Variants in ARHGEF28 observed in about 807,000 individuals in gnomAD.
The protein encoded by ARHGEF28 is Rho guanine nucleotide exchange factor 28, also known as 190 kDa guanine nucleotide exchange factor.
In ARHGEF28, 152 loss-of-function variants were observed where a neutral mutation model predicts 206.6. The observed-to-expected ratio is 0.74, with a 90% CI of 0.64 to 0.84. The LOEUF (loss-of-function observed/expected upper bound fraction) is 0.84, where lower values mean the gene tolerates loss of function less well. Ranked by LOEUF, ARHGEF28 falls within the 40% of genes least tolerant of loss-of-function variation. ARHGEF28 has a pLI of 0.00. For missense variants in ARHGEF28, 2,028 were observed against 2,073.2 expected (o/e 0.98, Z 0.42); for synonymous variants, 763 against 776.4 (o/e 0.98, Z 0.29).
rs1377842545 is a variant in ARHGEF28 at position 73,832,465 on chromosome 5, G to GCC, written c.1146+8_1146+9dup. 1 of 1,611,074 alleles carries GCC rather than the reference G, an allele frequency of 6.2e-7. No individual in the cohort carries two copies. The highest frequency in any genetic ancestry group is 2.2e-5 in the East Asian group (1 of 44,826). On this transcript the variant is annotated splice_region_variant and intron_variant, in intron 10 of 35. Coordinates refer to ENST00000513042, the MANE Select transcript of ARHGEF28 (RefSeq NM_001177693.2). ...ACTGTATGGTGATTGATCAGGTAAG[G>GCC]CCCAACTGACATTACAGGATGATTT...
At chr5:73,768,703 G>A (rs764279292) in intron 4 of ARHGEF28, among the ~76,000 whole-genome samples, 2 of 152,064 alleles carry the variant, frequency 1.3e-5, no homozygotes, top group African/African-American at 2.4e-5. Context: ...GGACTTTTGA[G>A]TTAATGCTGA....
intron 31 of ARHGEF28, chr5:73,902,630 C>A (rs913698252): frequency 1.3e-5 from 2 of 152,144 alleles, no homozygotes; most frequent in Non-Finnish European, 2.9e-5. Flanking sequence ...CATTAGCTTC[C>A]TCTACAAGGT....
At chr5:73,926,349 G>T (rs2111997879) in intron 35 of ARHGEF28, among the ~76,000 whole-genome samples, 1 of 152,256 alleles carries the variant, frequency 6.6e-6, no homozygotes, top group South Asian at 2.1e-4. Flanking sequence ...TTTCAGGGTG[G>T]CAGCATGTGC....
intron 1 of ARHGEF28, among the ~76,000 whole-genome samples, chr5:73,679,032 G>C (rs562295859): frequency 6.6e-6 from 1 of 152,140 alleles, no homozygotes; most frequent in Non-Finnish European, 1.5e-5. Flanking sequence ...AGGACTACAG[G>C]CATGCACCAC....
intron 2 of ARHGEF28, among the ~76,000 whole-genome samples, chr5:73,724,315 T>A (rs1275431989): frequency 6.6e-6 from 1 of 152,208 alleles, no homozygotes; most frequent in South Asian, 2.1e-4. Context: ...GAAATATAGA[T>A]ACATTTTTGA....
intron 35 of ARHGEF28, among the ~76,000 whole-genome samples, chr5:73,934,235 A>G (rs938412743): frequency 6.6e-5 from 10 of 152,168 alleles, no homozygotes; most frequent in African/African-American, 2.2e-4. Flanking sequence ...TTCTGCCCCT[A>G]TATTTCCTGT....
At chr5:73,671,059 T>G (rs1323290206) in intron 1 of ARHGEF28, among the ~76,000 whole-genome samples, 2 of 151,932 alleles carry the variant, frequency 1.3e-5, no homozygotes, top group African/African-American at 4.8e-5. Flanking sequence ...GACAGAAAAA[T>G]ATACATGCAC....
In ARHGEF28 at chr5:73,795,315, A is replaced by C. The variant is rs558052729; in HGVS notation, c.964-16A>C. On this transcript the variant is annotated splice_polypyrimidine_tract_variant and intron_variant, in intron 8 of 35. Coordinates refer to ENST00000513042, the MANE Select transcript of ARHGEF28 (RefSeq NM_001177693.2). ...ATGTAATTTTTTAAAAATCCACCTG[A>C]CTTTATCTCTTCCAGCGTGTCAAAA... The C allele has an allele frequency of 1.2e-6, 2 of 1,612,304 alleles. No homozygotes were observed. The highest frequency in any genetic ancestry group is 1.7e-6 in the Non-Finnish European group (2 of 1,179,020).
intron 9 of ARHGEF28, among the ~76,000 whole-genome samples, chr5:73,805,913 T>C (rs1447679980): frequency 3.3e-5 from 5 of 152,112 alleles, no homozygotes; most frequent in African/African-American, 4.8e-5. Context: ...TTTATGTGAA[T>C]TTTAGCTTCA....
chr5:73,671,748 T>A (rs1303575999), intron 1 of ARHGEF28, among the ~76,000 whole-genome samples: 9 of 29,200 alleles, frequency 3.1e-4, no homozygotes, highest in African/African-American at 7.5e-4. Context: ...ATTTTTTTTT[T>A]TTTTTTTTTT....
At chr5:73,730,858 T>C (rs1750581078) in intron 2 of ARHGEF28, among the ~76,000 whole-genome samples, 1 of 152,190 alleles carries the variant, frequency 6.6e-6, no homozygotes, top group Non-Finnish European at 1.5e-5. Context: ...TTAGAATCTT[T>C]TGGTTTTTTA....
intron 9 of ARHGEF28, among the ~76,000 whole-genome samples, chr5:73,806,447 A>G (rs1356578419): frequency 5.4e-5 from 7 of 128,626 alleles, no homozygotes; most frequent in Non-Finnish European, 1.1e-4. Context: ...TATATAGTAT[A>G]TATCTATATA....
At chr5:73,793,815 C>A (rs949681106) in intron 7 of ARHGEF28, among the ~76,000 whole-genome samples, 3 of 97,618 alleles carry the variant, frequency 3.1e-5, no homozygotes, top group African/African-American at 8.3e-5. Flanking sequence ...TTTTTTTTTT[C>A]TTCATCCCAG....
intron 1 of ARHGEF28, among the ~76,000 whole-genome samples, chr5:73,664,587 A>G (rs1041806599): frequency 6.6e-6 from 1 of 152,168 alleles, no homozygotes; most frequent in Non-Finnish European, 1.5e-5. Context: ...AGTATAATAG[A>G]GTGCTCAAAA....
chr5:73,777,171 A>G (rs1388081979), intron 6 of ARHGEF28, among the ~76,000 whole-genome samples: 3 of 152,142 alleles, frequency 2.0e-5, no homozygotes, highest in Non-Finnish European at 4.4e-5. Context: ...TCACCTTCCC[A>G]TCATGGTCCA....
At chr5:73,865,935 ACTT>A (rs748260148) in intron 17 of ARHGEF28, 27 bp from the exon 18 acceptor site, 2 of 1,479,940 alleles carry the variant, frequency 1.4e-6, no homozygotes, top group Non-Finnish European at 1.9e-6. Flanking sequence ...CTTTGATCTT[ACTT>A]TATGTGTTTC....
At chr5:73,772,722 T>C (rs143757874) in intron 4 of ARHGEF28, among the ~76,000 whole-genome samples, 3 of 152,164 alleles carry the variant, frequency 2.0e-5, no homozygotes, top group African/African-American at 4.8e-5. Context: ...GTGGGGCATG[T>C]TGGACAGGAA....
At chr5:73,739,057 A>G (rs777272794) in intron 2 of ARHGEF28, among the ~76,000 whole-genome samples, 1 of 152,222 alleles carries the variant, frequency 6.6e-6, no homozygotes, top group Admixed American at 6.5e-5. Flanking sequence ...TTGTCTTCCC[A>G]TAAGACAGCA....
Position 73,826,697 on chromosome 5 carries a change from A to C in ARHGEF28, c.1025-5641A>C, listed in dbSNP as rs894587248. On this transcript the variant is annotated intron_variant, in intron 9 of 35. Transcript: ENST00000513042. ...TAGACTTGAAGTAGTTGTCAATGTCAGAAGGGAGGCATCTGCAACTGCCTC... is the reference window on the plus strand; with the variant it reads ...TAGACTTGAAGTAGTTGTCAATGTCCGAAGGGAGGCATCTGCAACTGCCTC... Among the ~76,000 whole-genome samples the C allele has an allele frequency of 5.3e-5, 8 of 152,334 alleles. No homozygotes were observed. The East Asian group carries it at 1.5e-3, about 29-fold the overall frequency.
Sources: allele counts gnomAD v4.1 joint callset (sites outside exome capture counted in the v4.1 genomes callset), GRCh38; gene constraint gnomAD v4.1.1; transcripts MANE v1.5; gene names NCBI Gene and HGNC (gene_info 2026-07-23, HGNC 2026-07-21).